GRM7: variants seen among roughly 807,000 people sequenced by gnomAD.
The protein encoded by GRM7 is glutamate metabotropic receptor 7.
A neutral mutation model predicts 84.5 loss-of-function variants in GRM7; 35 were observed. The ratio of observed to expected loss-of-function variants is 0.41; its 90% confidence interval spans 0.32 to 0.55. The LOEUF is 0.55. Ranked by LOEUF, GRM7 falls within the 20% of genes least tolerant of loss-of-function variation. GRM7 has a pLI of 0.19. For synonymous variants in GRM7, 487 were observed against 455.1 expected, an observed-to-expected ratio of 1.07 and a Z score of -0.89; for missense variants, 1,003 against 1,194.6, an observed-to-expected ratio of 0.84 and a Z score of 2.36.
chr3:7,176,154 G>A (rs1055149089), intron 2 of GRM7, among the ~76,000 whole-genome samples: 1 of 148,574 alleles, frequency 6.7e-6, no homozygotes, highest in Non-Finnish European at 1.5e-5. Context: ...ATAAGGCAGA[G>A]GTGGGAGGAT....
At chr3:7,711,991 A>G (rs1701595675) in intron 9 of GRM7, among the ~76,000 whole-genome samples, 1 of 152,216 alleles carries the variant, frequency 6.6e-6, no homozygotes, top group African/African-American at 2.4e-5. Context: ...TTCTGTCATC[A>G]TGACATATGA....
intron 1 of GRM7, among the ~76,000 whole-genome samples, chr3:7,068,682 T>C (rs1697755904): frequency 6.6e-6 from 1 of 152,018 alleles, no homozygotes; most frequent in African/African-American, 2.4e-5. Flanking sequence ...CTGTTCTCAA[T>C]CCTAGTTTTC....
At chr3:7,273,637 G>C (rs1698947141) in intron 2 of GRM7, among the ~76,000 whole-genome samples, 1 of 151,930 alleles carries the variant, frequency 6.6e-6, no homozygotes, top group Non-Finnish European at 1.5e-5. Context: ...TCCTTGCTCT[G>C]AAGTCTTTTC....
intron 8 of GRM7, among the ~76,000 whole-genome samples, chr3:7,605,888 G>T (rs1476563121): frequency 6.6e-6 from 1 of 152,148 alleles, no homozygotes; most frequent in African/African-American, 2.4e-5. Context: ...TGCAAATGCA[G>T]CCATAGATAA....
At chr3:7,309,986 T>C (rs1242696198) in intron 4 of GRM7, among the ~76,000 whole-genome samples, 1 of 152,186 alleles carries the variant, frequency 6.6e-6, no homozygotes, top group East Asian at 1.9e-4. Context: ...TCCTCACTCA[T>C]GTGTTGCCCC....
intron 4 of GRM7, among the ~76,000 whole-genome samples, chr3:7,378,169 C>T (rs909133780): frequency 1.3e-5 from 2 of 152,106 alleles, no homozygotes; most frequent in African/African-American, 2.4e-5. Context: ...CGGGAAGAGA[C>T]AATACACTCC....
At chr3:7,683,316 C>T (rs1472851076) in intron 9 of GRM7, among the ~76,000 whole-genome samples, 1 of 152,154 alleles carries the variant, frequency 6.6e-6, no homozygotes, top group Admixed American at 6.5e-5. Flanking sequence ...TCTTTCCTTG[C>T]AAAAGTTTCA....
intron 5 of GRM7, among the ~76,000 whole-genome samples, chr3:7,425,291 T>G (rs886320615): frequency 2.0e-5 from 3 of 152,200 alleles, no homozygotes; most frequent in Non-Finnish European, 2.9e-5. Flanking sequence ...GGGCAGTATT[T>G]TCCAGTTTAT....
Position 7,103,816 on chromosome 3 carries a change from T to TTCTTTCTTTCTC in GRM7, c.520-42633_520-42632insTTCTTTCTCTCT. Among the ~76,000 whole-genome samples the TTCTTTCTTTCTC allele has an allele frequency of 3.2e-3, 281 of 89,102 alleles. 26 individuals carry two copies. Among genetic ancestry groups the TTCTTTCTTTCTC allele is most frequent in the African/African-American group, 0.012 (256 of 20,760 alleles). 58.5% of individuals were successfully genotyped at this position (89,102 alleles called of 152,430 possible). A position where few individuals can be genotyped will look rare whatever the true frequency, so the allele number is the denominator to read the frequency against. Reference sequence around the variant, plus strand: ...TTTCTTTCTTTCTTTCTTTCTTTCTTTCTCTCTCTCTCTGTCTCTCTCTCC... The same window carrying TTCTTTCTTTCTC: ...TTTCTTTCTTTCTTTCTTTCTTTCTTTCTTTCTTTCTCTCTCTCTCTCTCTGTCTCTCTCTCC... On this transcript the variant is annotated intron_variant, in intron 1 of 9. Transcript: ENST00000357716.
intron 7 of GRM7, among the ~76,000 whole-genome samples, chr3:7,500,015 C>G (rs1321155767): frequency 6.6e-6 from 1 of 152,156 alleles, no homozygotes; most frequent in Non-Finnish European, 1.5e-5. Context: ...ACCTTGTGAT[C>G]TACCCGCCTT....
At chr3:7,595,495 G>C (rs531260152) in intron 8 of GRM7, among the ~76,000 whole-genome samples, 1 of 152,296 alleles carries the variant, frequency 6.6e-6, no homozygotes, top group Middle Eastern at 3.4e-3. Flanking sequence ...TAATATATCA[G>C]TTGCTTGAAT....
chr3:7,282,419 C>G (rs1041621535), intron 2 of GRM7, among the ~76,000 whole-genome samples: 4 of 152,194 alleles, frequency 2.6e-5, no homozygotes, highest in Middle Eastern at 3.2e-3. Flanking sequence ...ATCCACAAAC[C>G]TGGCAGTGCA....
At chr3:7,051,263 G>C (rs889325407) in intron 1 of GRM7, among the ~76,000 whole-genome samples, 5 of 151,740 alleles carry the variant, frequency 3.3e-5, no homozygotes, top group African/African-American at 1.2e-4. Flanking sequence ...TTTCTCATTT[G>C]ATCCTCACCA....
chr3:7,148,546 T>C (rs1488439559), intron 2 of GRM7, among the ~76,000 whole-genome samples: 2 of 152,194 alleles, frequency 1.3e-5, no homozygotes, highest in African/African-American at 4.8e-5. Context: ...GGGATCAAGA[T>C]AAATGTTTGC....
intron 2 of GRM7, among the ~76,000 whole-genome samples, chr3:7,156,259 A>G (rs1694446690): frequency 1.3e-5 from 2 of 152,170 alleles, no homozygotes; most frequent in African/African-American, 4.8e-5. Context: ...CAGTCAGGAG[A>G]GGATGGTCCT....
chr3:7,496,696 C>G (rs934502844), intron 7 of GRM7, among the ~76,000 whole-genome samples: 11 of 151,836 alleles, frequency 7.2e-5, no homozygotes, highest in Non-Finnish European at 1.5e-4. Flanking sequence ...ATATAATGCC[C>G]TTGTTTCCAA....
intron 1 of GRM7, among the ~76,000 whole-genome samples, chr3:7,130,549 AAAAAAGAAAAG>A (rs1413322041): frequency 0.027 from 1,257 of 46,034 alleles, 14 homozygotes; most frequent in South Asian, 0.11. Flanking sequence ...GTCTCAAAAA[AAAAAAGAAAAG>A]AAAAAAAAAA....
intron 9 of GRM7, chr3:7,694,307 G>A (rs1291570297): frequency 8.9e-6 from 2 of 225,366 alleles, no homozygotes; most frequent in African/African-American, 2.3e-5. Context: ...TTAACCATCA[G>A]TGTTGTGATG....
chr3:7,409,637 G>C (rs1047942541), intron 4 of GRM7, among the ~76,000 whole-genome samples: 2 of 152,084 alleles, frequency 1.3e-5, no homozygotes, highest in African/African-American at 4.8e-5. Flanking sequence ...GTCCCGCTCT[G>C]TCGCCCAGGC....
Sources: allele counts gnomAD v4.1 joint callset (sites outside exome capture counted in the v4.1 genomes callset), GRCh38; gene constraint gnomAD v4.1.1; transcripts MANE v1.5; gene names NCBI Gene and HGNC (gene_info 2026-07-23, HGNC 2026-07-21).